Variants in ADAMTS17 observed in about 807,000 individuals in gnomAD.
ADAMTS17 encodes the protein ADAM metallopeptidase with thrombospondin type 1 motif 17, also known as A disintegrin and metalloproteinase with thrombospondin motifs 17.
In ADAMTS17, 113 loss-of-function variants were observed where a neutral mutation model predicts 141.5. The ratio of observed to expected loss-of-function variants is 0.80; its 90% CI spans 0.69 to 0.93. ADAMTS17 has a LOEUF of 0.93. ADAMTS17 is among the 40% of genes least tolerant of loss of function. ADAMTS17 has a pLI of 0.00. For missense variants in ADAMTS17, 1,659 were observed against 1,517.9 expected, an observed-to-expected ratio of 1.09 and a Z score of -1.54; for synonymous variants, 768 against 630.6, an observed-to-expected ratio of 1.22 and a Z score of -3.27.
intron 7 of ADAMTS17, among the ~76,000 whole-genome samples, chr15:100,210,783 T>C (rs1345486301): frequency 2.6e-5 from 4 of 151,932 alleles, no homozygotes; most frequent in Non-Finnish European, 5.9e-5. Flanking sequence ...CCAGCCAGCA[T>C]GGCTGAAACC....
chr15:100,236,283 T>TTAAAA (rs375249639), intron 7 of ADAMTS17, among the ~76,000 whole-genome samples: 2 of 128,524 alleles, frequency 1.6e-5, no homozygotes, highest in African/African-American at 6.0e-5. Context: ...CCCACGACAT[T>TTAAAA]AAAAAAAAAA....
intron 8 of ADAMTS17, among the ~76,000 whole-genome samples, chr15:100,169,692 T>C (rs566426125): frequency 3.3e-5 from 5 of 152,282 alleles, no homozygotes; most frequent in African/African-American, 1.2e-4. Flanking sequence ...AGTGGCCACG[T>C]GGAGGCTGGG....
chr15:100,027,556 C>G (rs2141472437), intron 18 of ADAMTS17, among the ~76,000 whole-genome samples: 1 of 152,320 alleles, frequency 6.6e-6, no homozygotes, highest in East Asian at 1.9e-4. Context: ...AGAATACAGC[C>G]CTGTCTATTT....
At chr15:100,039,102 C>T (rs1049135278) in intron 18 of ADAMTS17, among the ~76,000 whole-genome samples, 6 of 152,186 alleles carry the variant, frequency 3.9e-5, no homozygotes, top group African/African-American at 1.4e-4. Flanking sequence ...CACATTCCTG[C>T]TTTCGTTCTT....
chr15:100,155,145 T>C (rs1161711349), intron 9 of ADAMTS17, 35 bp downstream of exon 9: 13 of 1,614,116 alleles, frequency 8.1e-6, no homozygotes, highest in Non-Finnish European at 1.1e-5. Flanking sequence ...GTACTTTTGA[T>C]TGCATTCATC....
Position 100,261,474 on chromosome 15 carries a change from C to T in ADAMTS17, c.1031+5G>A, listed in dbSNP as rs370454884. The T allele has an allele frequency of 1.2e-6, 2 of 1,613,892 alleles. No homozygotes were observed. The highest frequency in any genetic ancestry group is 1.7e-6 in the Non-Finnish European group (2 of 1,180,030). On this transcript the variant is annotated splice_donor_5th_base_variant and intron_variant, in intron 6 of 21. Transcript: ENST00000268070. Reference sequence around the variant, plus strand: ...ATGTCAGCTACAGGCCAAATCCCATCTTACCTGGTCACAAACACGGCAGCA... The same window carrying T: ...ATGTCAGCTACAGGCCAAATCCCATTTTACCTGGTCACAAACACGGCAGCA...
chr15:100,157,763 T>C (rs4482264), intron 8 of ADAMTS17, among the ~76,000 whole-genome samples: 59,046 of 152,070 alleles, frequency 0.39, 11,726 homozygotes, highest in African/African-American at 0.47. Context: ...ATGGCAAAAG[T>C]CACCTCTCGT....
In ADAMTS17 at chr15:100,132,301, A is replaced by C. The variant is rs1050456915; in HGVS notation, c.1576-149T>G. 6.1e-6 allele frequency: 7 copies of C among 1,153,916 alleles called. No homozygotes were observed. In the African/African-American group the frequency reaches 6.2e-5, roughly 10 times the overall value. The allele number at this position is 1,153,916 out of a possible 1,614,324, so 71.5% of individuals were successfully genotyped here. ...TATTTCAGGGTTTGCACGTTTGCTAATTTTAGAGACATGCCTTACTTACTC... is the reference window on the plus strand; with the variant it reads ...TATTTCAGGGTTTGCACGTTTGCTACTTTTAGAGACATGCCTTACTTACTC... On this transcript the variant is annotated intron_variant, in intron 11 of 21. Transcript: ENST00000268070.
chr15:100,166,916 T>C (rs944328076), intron 8 of ADAMTS17, among the ~76,000 whole-genome samples: 3 of 152,214 alleles, frequency 2.0e-5, no homozygotes, highest in Admixed American at 6.5e-5. Flanking sequence ...AGGAAGCCCA[T>C]GGCCTGGTGG....
At position 99,973,870 on chromosome 15, in the gene ADAMTS17, CAT is replaced by C. The variant is rs2060262902; in HGVS notation, c.*530_*531del. On this transcript the variant is annotated 3_prime_UTR_variant, in exon 22 of 22. Coordinates refer to ENST00000268070, the MANE Select transcript of ADAMTS17 (RefSeq NM_139057.4). ...GGCATGGAGGCAACGTCCTGGTTCT[CAT>C]GTGGTCAAGAAGGTAGATGGAGAGA... 4.9e-6 allele frequency: 1 copy of C among 205,106 alleles called. No homozygotes were observed. The highest frequency in any genetic ancestry group is 1.0e-5 in the Non-Finnish European group (1 of 100,210). 12.7% of individuals were successfully genotyped at this position (205,106 alleles called of 1,614,324 possible). A position where few individuals can be genotyped will look rare whatever the true frequency, so the allele number is the denominator to read the frequency against.
intron 13 of ADAMTS17, among the ~76,000 whole-genome samples, chr15:100,112,884 A>T (rs1335911292): frequency 1.3e-5 from 2 of 152,114 alleles, no homozygotes. Context: ...TGCCCGCTGG[A>T]GGTTTGGAAC....
At chr15:100,320,036 A>G (rs1167009919) in intron 3 of ADAMTS17, among the ~76,000 whole-genome samples, 3 of 152,218 alleles carry the variant, frequency 2.0e-5, no homozygotes, top group South Asian at 4.1e-4. Flanking sequence ...AATCAGATAT[A>G]ACTTCTAAAA....
At chr15:100,295,086 C>A (rs1034611644) in intron 3 of ADAMTS17, among the ~76,000 whole-genome samples, 1 of 152,154 alleles carries the variant, frequency 6.6e-6, no homozygotes, top group Non-Finnish European at 1.5e-5. Flanking sequence ...GTGGATTACC[C>A]TGCATGTCCA....
chr15:99,973,508 G>C lies in ADAMTS17; in HGVS notation c.*894C>G, dbSNP rs1367661029. 1 of 152,286 alleles carries C rather than the reference G, an allele frequency of 6.6e-6. No individual in the cohort carries two copies. Among genetic ancestry groups the C allele is most frequent in the Admixed American group, 6.5e-5 (1 of 15,292 alleles). 9.4% of individuals were successfully genotyped at this position (152,286 alleles called of 1,614,324 possible). A position where few individuals can be genotyped will look rare whatever the true frequency, so the allele number is the denominator to read the frequency against. ...ACAAAGCTTTAGGAAGTGCAGGCCA[G>C]AGTGGATGTTCCCGGAAGGCGGGGC... On this transcript the variant is annotated 3_prime_UTR_variant, in exon 22 of 22. Coordinates refer to ENST00000268070, the MANE Select transcript of ADAMTS17 (RefSeq NM_139057.4).
chr15:100,335,552 G>A (rs917362975), intron 2 of ADAMTS17, among the ~76,000 whole-genome samples: 2 of 152,220 alleles, frequency 1.3e-5, no homozygotes, highest in African/African-American at 2.4e-5. Flanking sequence ...CTTGCTGGGC[G>A]CCTACCAGAG....
intron 14 of ADAMTS17, among the ~76,000 whole-genome samples, chr15:100,104,284 A>G (rs1030331032): frequency 8.5e-5 from 13 of 152,224 alleles, no homozygotes; most frequent in African/African-American, 2.9e-4. Context: ...CTTGATTTAT[A>G]GGAGCTTGCT....
intron 21 of ADAMTS17, among the ~76,000 whole-genome samples, chr15:99,975,143 C>G (rs2060294957): frequency 6.6e-6 from 1 of 152,188 alleles, no homozygotes; most frequent in Non-Finnish European, 1.5e-5. Context: ...TTTCCAGCCT[C>G]AGGTAGGAAA....
At chr15:100,083,613 G>C (rs144716157) in intron 15 of ADAMTS17, among the ~76,000 whole-genome samples, 61 of 152,176 alleles carry the variant, frequency 4.0e-4, no homozygotes, top group African/African-American at 1.3e-3. Context: ...TGTTACCACA[G>C]ACCTAGCCTT....
intron 7 of ADAMTS17, among the ~76,000 whole-genome samples, chr15:100,204,145 A>T (rs546125205): frequency 2.0e-5 from 3 of 152,340 alleles, no homozygotes; most frequent in Non-Finnish European, 2.9e-5. Flanking sequence ...ATAGAAGCTC[A>T]TAACTCTTTA....
Sources: gnomAD v4.1 joint callset for allele counts (sites outside exome capture counted in the v4.1 genomes callset) on GRCh38, gnomAD v4.1.1 for gene constraint, MANE v1.5 for transcripts, NCBI Gene and HGNC (gene_info 2026-07-23, HGNC 2026-07-21) for gene names.